CHIC1: variants seen among roughly 807,000 people sequenced by gnomAD.
CHIC1 encodes the protein cysteine-rich hydrophobic domain-containing protein 1.
CHIC1 carries 7 observed loss-of-function variants against 18.5 expected under a neutral mutation model. The observed-to-expected ratio is 0.38, with a 90% CI of 0.22 to 0.71. CHIC1 has a LOEUF of 0.71. Among genes scored for constraint, CHIC1 ranks in the 30% least tolerant of loss-of-function variants. CHIC1 has a pLI of 0.49. For synonymous variants in CHIC1, 77 were observed against 73.5 expected, an observed-to-expected ratio of 1.05 and a Z score of -0.25; for missense variants, 159 against 176.9, an observed-to-expected ratio of 0.90 and a Z score of 0.57.
chrX:73,674,286 T>A (rs971466110), intron 3 of CHIC1, among the ~76,000 whole-genome samples: 42 of 112,144 alleles, frequency 3.7e-4, no homozygotes, highest in Non-Finnish European at 6.6e-4. Flanking sequence ...TTCTATTGAT[T>A]GGAATAGTTT....
intron 3 of CHIC1, among the ~76,000 whole-genome samples, chrX:73,659,376 T>C (rs1210616686): frequency 5.2e-5 from 5 of 96,646 alleles, no homozygotes; most frequent in African/African-American, 7.6e-5. Flanking sequence ...TTTTCTTTTT[T>C]TTTTTTTTTT....
chrX:73,618,511 A>C (rs1277337301), intron 3 of CHIC1, among the ~76,000 whole-genome samples: 2 of 110,828 alleles, frequency 1.8e-5, no homozygotes, highest in Non-Finnish European at 1.9e-5. Context: ...CCAGGGGATT[A>C]TGGTTGCCTC....
chrX:73,567,000 A>C (rs1025310688), intron 1 of CHIC1, among the ~76,000 whole-genome samples: 4 of 111,823 alleles, frequency 3.6e-5, no homozygotes, highest in African/African-American at 1.3e-4. Flanking sequence ...TGCCAGCCAA[A>C]AAAATCACAG....
chrX:73,582,163 C>T (rs1416850211), intron 2 of CHIC1, among the ~76,000 whole-genome samples: 2 of 109,040 alleles, frequency 1.8e-5, no homozygotes, highest in Non-Finnish European at 3.8e-5. Flanking sequence ...ATGTAAATTC[C>T]AATTATAAGC....
chrX:73,663,975 G>A (rs769011068), intron 3 of CHIC1, among the ~76,000 whole-genome samples: 1 of 111,452 alleles, frequency 9.0e-6, no homozygotes, highest in Non-Finnish European at 1.9e-5. Flanking sequence ...GGAGGCAGGG[G>A]CCCCAGATCC....
intron 3 of CHIC1, among the ~76,000 whole-genome samples, chrX:73,602,314 T>G (rs2057655159): frequency 9.1e-6 from 1 of 109,422 alleles, no homozygotes; most frequent in Non-Finnish European, 1.9e-5. Context: ...CATAAATGTC[T>G]TCTTTTGAAA....
intron 1 of CHIC1, among the ~76,000 whole-genome samples, chrX:73,567,982 T>TA (rs2057453138): frequency 9.0e-6 from 1 of 111,574 alleles, no homozygotes; most frequent in South Asian, 3.7e-4. Context: ...TCTGATTCCC[T>TA]ATGAATCCTC....
intron 3 of CHIC1, among the ~76,000 whole-genome samples, chrX:73,587,556 T>A (rs1453236358): frequency 9.0e-6 from 1 of 111,576 alleles, no homozygotes; most frequent in Non-Finnish European, 1.9e-5. Context: ...ATAAATATGA[T>A]GTTTTAGGAG....
intron 3 of CHIC1, among the ~76,000 whole-genome samples, chrX:73,604,015 T>G (rs2057666335): frequency 9.2e-6 from 1 of 109,094 alleles, no homozygotes; most frequent in Non-Finnish European, 1.9e-5. Context: ...GATGCTGGCC[T>G]CATAAAATGA....
intron 3 of CHIC1, among the ~76,000 whole-genome samples, chrX:73,592,997 G>T (rs2057589539): frequency 9.0e-6 from 1 of 110,585 alleles, no homozygotes. Context: ...ATGCATAGAG[G>T]TGTTCATAAT....
At position 73,574,253 on chromosome X, in the gene CHIC1, A is replaced by C. The variant is rs191478510; in HGVS notation, c.297-3154A>C. On this transcript the variant is annotated intron_variant, in intron 1 of 5. Coordinates refer to ENST00000373502, the MANE Select transcript of CHIC1 (RefSeq NM_001039840.4). Reference sequence around the variant, plus strand: ...TTTATTGATTTGTGTATGTTGAACCAACCTTGCATCCCAGGAATAAAGGCT... The same window carrying C: ...TTTATTGATTTGTGTATGTTGAACCCACCTTGCATCCCAGGAATAAAGGCT... Among the ~76,000 whole-genome samples the C allele has an allele frequency of 9.0e-5, 10 of 111,152 alleles. No individual in the cohort carries two copies. The East Asian group carries it at 2.8e-3, about 32-fold the overall frequency.
At chrX:73,647,299 A>G (rs1417188203) in intron 3 of CHIC1, among the ~76,000 whole-genome samples, 1 of 112,155 alleles carries the variant, frequency 8.9e-6, no homozygotes, top group Non-Finnish European at 1.9e-5. Flanking sequence ...GTTAGAACTT[A>G]ACTAGAGTTC....
At chrX:73,669,615 T>G in intron 3 of CHIC1, among the ~76,000 whole-genome samples, 1 of 109,339 alleles carries the variant, frequency 9.1e-6, no homozygotes, top group Middle Eastern at 4.7e-3. Context: ...TGTGGAAGAA[T>G]GGATTTGGTC....
chrX:73,655,441 TAC>T (rs1331891677), intron 3 of CHIC1, among the ~76,000 whole-genome samples: 11 of 52,769 alleles, frequency 2.1e-4, no homozygotes, highest in Non-Finnish European at 4.3e-4. Flanking sequence ...TGTATATATA[TAC>T]ATATATACAC....
intron 3 of CHIC1, among the ~76,000 whole-genome samples, chrX:73,645,059 G>A (rs1281117886): frequency 2.7e-5 from 3 of 112,211 alleles, no homozygotes; most frequent in Non-Finnish European, 3.8e-5. Context: ...CGTCTTCTGC[G>A]TCGCTCACGC....
At chrX:73,595,637 G>A (rs2057604477) in intron 3 of CHIC1, among the ~76,000 whole-genome samples, 1 of 111,393 alleles carries the variant, frequency 9.0e-6, no homozygotes, top group Admixed American at 9.6e-5. Context: ...ATAAACATAC[G>A]TGTGCATGTG....
At chrX:73,612,396 G>A (rs1201113680) in intron 3 of CHIC1, among the ~76,000 whole-genome samples, 1 of 111,458 alleles carries the variant, frequency 9.0e-6, no homozygotes, top group African/African-American at 3.3e-5. Context: ...GCAGTGTTAG[G>A]TTGTTATTTT....
chrX:73,593,266 A>G (rs934957474), intron 3 of CHIC1, among the ~76,000 whole-genome samples: 10 of 110,640 alleles, frequency 9.0e-5, no homozygotes, highest in Non-Finnish European at 1.9e-4. Context: ...TTGTTTTTCT[A>G]GTTCCTCTAG....
Position 73,655,632 on chromosome X carries a change from AGT to A in CHIC1, c.508-23677_508-23676del, listed in dbSNP as rs34657508. Among the ~76,000 whole-genome samples, 101 of 17,938 alleles carry A rather than the reference AGT, an allele frequency of 5.6e-3. No homozygotes were observed. In the Middle Eastern group the frequency reaches 0.12, roughly 21 times the overall value. The allele number at this position is 17,938 out of a possible 115,157, so 15.6% of individuals were successfully genotyped here. A position where few individuals can be genotyped will look rare whatever the true frequency, so the allele number is the denominator to read the frequency against. ...ATATAGTGTGTGTATATATATATAT[AGT>A]GTGTGTGTGTGTGTGTATATATATA... is the stretch of plus-strand genomic sequence containing the variant. On this transcript the variant is annotated intron_variant, in intron 3 of 5. Coordinates refer to ENST00000373502, the MANE Select transcript of CHIC1 (RefSeq NM_001039840.4).
Sources: allele counts gnomAD v4.1 joint callset (sites outside exome capture counted in the v4.1 genomes callset), GRCh38; gene constraint gnomAD v4.1.1; transcripts MANE v1.5; gene names NCBI Gene and HGNC (gene_info 2026-07-23, HGNC 2026-07-21).